The following FMN1 variants were observed in gnomAD, a reference collection of about 807,000 sequenced individuals.
FMN1 encodes the protein formin-1.
In FMN1, 110 loss-of-function variants were observed where a neutral mutation model predicts 132.4. The observed-to-expected ratio is 0.83, with a 90% CI of 0.71 to 0.97. The LOEUF is 0.97. FMN1 is among the 50% of genes least tolerant of loss of function. FMN1 has a pLI of 0.00. For missense variants in FMN1, 1,792 were observed against 1,705.3 expected (o/e 1.05, Z -0.90); for synonymous variants, 722 against 651.7 (o/e 1.11, Z -1.64).
chr15:33,138,392 T>G (rs137950568), intron 4 of FMN1, among the ~76,000 whole-genome samples: 150 of 152,294 alleles, frequency 9.8e-4, no homozygotes, highest in African/African-American at 3.4e-3. Context: ...CTTTTGCTAA[T>G]GCAATGTGGC....
chr15:32,936,206 C>A (rs928472781), intron 9 of FMN1, among the ~76,000 whole-genome samples: 1 of 152,130 alleles, frequency 6.6e-6, no homozygotes, highest in East Asian at 1.9e-4. Flanking sequence ...AATTCATATA[C>A]ATCTGTGTCT....
chr15:32,911,846 A>G lies in FMN1; in HGVS notation c.3227-1311T>C, dbSNP rs544501792. Among the ~76,000 whole-genome samples, 11 of 152,240 alleles carry G rather than the reference A, an allele frequency of 7.2e-5. No individual in the cohort carries two copies. In the South Asian group the frequency reaches 1.9e-3, roughly 26 times the overall value. On this transcript the variant is annotated intron_variant, in intron 10 of 20. Transcript: ENST00000616417. ...CACAAAGGCCAATGTGAAACCAGTA[A>G]AGAAAAATGCAGTTTAAGGACAGAA...
intron 16 of FMN1, among the ~76,000 whole-genome samples, chr15:32,864,180 C>A (rs2059340533): frequency 6.6e-6 from 1 of 152,066 alleles, no homozygotes; most frequent in Admixed American, 6.6e-5. Flanking sequence ...AAGCCAAAAA[C>A]AAATGACAGA....
chr15:33,088,186 T>G (rs1046535901), intron 5 of FMN1, among the ~76,000 whole-genome samples: 1 of 152,004 alleles, frequency 6.6e-6, no homozygotes, highest in Non-Finnish European at 1.5e-5. Context: ...AAACACCACC[T>G]GTTCGCCAAA....
intron 17 of FMN1, among the ~76,000 whole-genome samples, chr15:32,839,068 G>C (rs2058690448): frequency 6.6e-6 from 1 of 152,132 alleles, no homozygotes; most frequent in Non-Finnish European, 1.5e-5. Context: ...ACCAAACTGG[G>C]AGGAGCCTGT....
Position 32,807,861 on chromosome 15 carries a change from G to T in FMN1, c.3929-3529C>A, listed in dbSNP as rs563545148. ...TGTTCCCTAATTTTGCCCTTGTACAGATACAAAAGGCATCTACCTTTATGG... is the reference window on the plus strand; with the variant it reads ...TGTTCCCTAATTTTGCCCTTGTACATATACAAAAGGCATCTACCTTTATGG... On this transcript the variant is annotated intron_variant, in intron 17 of 20. Transcript: ENST00000616417. Among the ~76,000 whole-genome samples, 3 of 152,328 alleles carry T rather than the reference G, an allele frequency of 2.0e-5. No homozygotes were observed. The East Asian group carries it at 5.8e-4, about 29-fold the overall frequency.
intron 19 of FMN1, among the ~76,000 whole-genome samples, chr15:32,796,058 G>A (rs1412952026): frequency 6.6e-6 from 1 of 152,174 alleles, no homozygotes; most frequent in African/African-American, 2.4e-5. Flanking sequence ...TCATTTGTAT[G>A]TTACAGATTA....
chr15:33,074,226 T>C (rs182420091), intron 5 of FMN1, among the ~76,000 whole-genome samples: 2 of 152,238 alleles, frequency 1.3e-5, no homozygotes, highest in South Asian at 2.1e-4. Flanking sequence ...TTCGTTATAC[T>C]CATTTTCCAC....
At chr15:33,078,819 C>T (rs2038330390) in intron 5 of FMN1, among the ~76,000 whole-genome samples, 1 of 152,014 alleles carries the variant, frequency 6.6e-6, no homozygotes, top group South Asian at 2.1e-4. Flanking sequence ...GAAAAAAATG[C>T]TTTTTTGAAA....
At chr15:32,962,149 C>T (rs1451082031) in intron 9 of FMN1, among the ~76,000 whole-genome samples, 1 of 150,980 alleles carries the variant, frequency 6.6e-6, no homozygotes, top group Non-Finnish European at 1.5e-5. Flanking sequence ...TATTTTTTGC[C>T]CTCAACACAT....
chr15:32,917,673 T>C (rs780947040), intron 10 of FMN1, among the ~76,000 whole-genome samples: 9 of 152,178 alleles, frequency 5.9e-5, no homozygotes, highest in Non-Finnish European at 1.5e-5. Context: ...ACCCCAACTA[T>C]CCTCCAAGGC....
intron 4 of FMN1, among the ~76,000 whole-genome samples, chr15:33,100,289 G>T (rs1360429255): frequency 6.7e-6 from 1 of 149,378 alleles, no homozygotes; most frequent in African/African-American, 2.5e-5. Context: ...TATAGTATAT[G>T]AATGCCTCAA....
At chr15:33,129,465 G>A (rs1022901318) in intron 4 of FMN1, among the ~76,000 whole-genome samples, 3 of 152,206 alleles carry the variant, frequency 2.0e-5, no homozygotes, top group Admixed American at 6.5e-5. Flanking sequence ...ACATGGGTAA[G>A]TTGAAATACT....
At chr15:33,105,893 C>G (rs1595481799) in intron 4 of FMN1, 1 of 152,094 alleles carries the variant, frequency 6.6e-6, no homozygotes, top group African/African-American at 2.4e-5. Flanking sequence ...TGAGCTTGTA[C>G]TGTCTCCTAT....
At chr15:33,172,833 G>A (rs969185323) in intron 3 of FMN1, among the ~76,000 whole-genome samples, 7 of 151,870 alleles carry the variant, frequency 4.6e-5, no homozygotes, top group African/African-American at 1.5e-4. Context: ...TTTAAAAATA[G>A]AAAAAAAGAA....
intron 7 of FMN1, among the ~76,000 whole-genome samples, chr15:32,981,349 C>T (rs981850560): frequency 6.6e-6 from 1 of 151,390 alleles, no homozygotes; most frequent in Non-Finnish European, 1.5e-5. Context: ...AAAAATTAGC[C>T]GGCGCGGTGG....
intron 6 of FMN1, among the ~76,000 whole-genome samples, chr15:33,018,004 G>A (rs2035163503): frequency 6.6e-6 from 1 of 151,608 alleles, no homozygotes; most frequent in African/African-American, 2.4e-5. Flanking sequence ...GGTGGAGGTT[G>A]CAGTGAGCCG....
At chr15:32,917,152 G>A (rs1049522121) in intron 10 of FMN1, among the ~76,000 whole-genome samples, 2 of 152,136 alleles carry the variant, frequency 1.3e-5, no homozygotes, top group East Asian at 1.9e-4. Flanking sequence ...TGGAAAGAAG[G>A]GGAGCCAGTA....
intron 6 of FMN1, among the ~76,000 whole-genome samples, chr15:33,055,896 A>C (rs1363892917): frequency 6.6e-6 from 1 of 152,224 alleles, no homozygotes; most frequent in African/African-American, 2.4e-5. Context: ...CTACAAATTA[A>C]TATGAGAAAG....
Sources: allele counts gnomAD v4.1 joint callset (sites outside exome capture counted in the v4.1 genomes callset), GRCh38; gene constraint gnomAD v4.1.1; transcripts MANE v1.5; gene names NCBI Gene and HGNC (gene_info 2026-07-23, HGNC 2026-07-21).